The following KLRG1 variants were observed in gnomAD, a reference collection of about 807,000 sequenced individuals.
KLRG1 encodes the protein killer cell lectin like receptor G1.
A neutral mutation model predicts 21.8 loss-of-function variants in KLRG1; 16 were observed. That is an observed-to-expected ratio of 0.73 (90% CI 0.50 to 1.11). The LOEUF is 1.11. Among genes scored for constraint, KLRG1 ranks in the 50% most tolerant of loss-of-function variants. The pLI is 0.00. For missense variants in KLRG1, 173 were observed against 218.3 expected (o/e 0.79, Z 1.31); for synonymous variants, 69 against 75.9 (o/e 0.91, Z 0.47).
intron 1 of KLRG1, among the ~76,000 whole-genome samples, chr12:8,951,976 A>G (rs1296008619): frequency 1.3e-5 from 2 of 152,174 alleles, no homozygotes; most frequent in Non-Finnish European, 2.9e-5. Context: ...TGCTTCTCAG[A>G]CCTCAGTGCC....
At chr12:9,111,033 T>C in the KLRG1 span, among the ~76,000 whole-genome samples, 1 of 152,172 alleles carries the variant, frequency 6.6e-6, no homozygotes, top group Non-Finnish European at 1.5e-5. Context: ...ATCATTAAGA[T>C]GGGTCATAGA....
chr12:9,191,057 A>G, the KLRG1 span, among the ~76,000 whole-genome samples: 1 of 152,142 alleles, frequency 6.6e-6, no homozygotes, highest in Admixed American at 6.5e-5. Context: ...ATTTTTTCCA[A>G]TTGTTGACTC....
chr12:9,056,501 A>G, the KLRG1 span, among the ~76,000 whole-genome samples: 1 of 152,082 alleles, frequency 6.6e-6, no homozygotes, highest in Non-Finnish European at 1.5e-5. Context: ...GACTTAGCAT[A>G]ATTCTCTCCA....
the KLRG1 span, chr12:9,067,815 TGTG>T: frequency 1.2e-6 from 2 of 1,612,666 alleles, no homozygotes; most frequent in Admixed American, 3.3e-5. Flanking sequence ...TTTTCAGCCT[TGTG>T]GTCTTCAAGC....
the KLRG1 span, chr12:9,074,416 C>G: frequency 1.3e-6 from 1 of 799,498 alleles, no homozygotes; most frequent in Non-Finnish European, 2.0e-6. Context: ...GCTTTTATTT[C>G]CATTATCCTT....
chr12:9,120,997 C>A, the KLRG1 span, among the ~76,000 whole-genome samples: 1 of 151,724 alleles, frequency 6.6e-6, no homozygotes, highest in Non-Finnish European at 1.5e-5. Flanking sequence ...CCTCCCATCT[C>A]AGCCTCCCAA....
At chr12:9,204,071 A>G in the KLRG1 span, 23 of 1,022,954 alleles carry the variant, frequency 2.2e-5, no homozygotes, top group African/African-American at 3.3e-5. Context: ...CTAAAAGTCA[A>G]TGGACTAAGT....
the KLRG1 span, among the ~76,000 whole-genome samples, chr12:9,040,043 G>A: frequency 1.4e-4 from 22 of 152,148 alleles, no homozygotes; most frequent in Admixed American, 1.2e-3. Context: ...AAAGTCAAGA[G>A]AAGATAAGAC....
chr12:9,074,763 GCT>G, the KLRG1 span: 2 of 1,612,580 alleles, frequency 1.2e-6, no homozygotes, highest in Non-Finnish European at 1.7e-6. Context: ...TTCTGAGGGC[GCT>G]CCCAATGGAC....
upstream of KLRG1, among the ~76,000 whole-genome samples, chr12:8,988,045 C>G (rs2137313693): frequency 6.6e-6 from 1 of 152,328 alleles, no homozygotes; most frequent in Non-Finnish European, 1.5e-5. Flanking sequence ...CCTGCAGGAA[C>G]TATCTCAGCT....
At chr12:9,096,949 A>G in the KLRG1 span, among the ~76,000 whole-genome samples, 12 of 152,328 alleles carry the variant, frequency 7.9e-5, no homozygotes, top group East Asian at 1.5e-3. Context: ...AATGACCTAC[A>G]CTAGTAGCAG....
the KLRG1 span, among the ~76,000 whole-genome samples, chr12:9,136,218 C>G: frequency 1.3e-5 from 2 of 152,170 alleles, no homozygotes; most frequent in Non-Finnish European, 2.9e-5. Flanking sequence ...GTGGTGTTGG[C>G]ACCAGCCAGC....
the KLRG1 span, chr12:9,101,404 C>T: frequency 6.6e-7 from 1 of 1,524,054 alleles, no homozygotes; most frequent in Non-Finnish European, 9.0e-7. Flanking sequence ...CCACAGAGAG[C>T]TTTTGTCTAC....
chr12:9,002,228 G>A (rs969696784), intron 3 of KLRG1, among the ~76,000 whole-genome samples: 2 of 152,090 alleles, frequency 1.3e-5, no homozygotes, highest in Admixed American at 6.6e-5. Context: ...CTTAATATGG[G>A]TTGAAATAAC....
chr12:9,201,284 A>G, the KLRG1 span: 1 of 1,489,344 alleles, frequency 6.7e-7, no homozygotes. Context: ...CCTACTCTCT[A>G]AAAGCACTAA....
the KLRG1 span, chr12:9,079,449 T>C: frequency 3.3e-6 from 4 of 1,209,426 alleles, no homozygotes; most frequent in Admixed American, 4.1e-5. Flanking sequence ...TTGTCATAGA[T>C]TAGGAGTTTC....
intron 1 of KLRG1, among the ~76,000 whole-genome samples, chr12:8,963,822 T>G (rs1946419761): frequency 1.3e-5 from 2 of 152,244 alleles, no homozygotes; most frequent in South Asian, 4.1e-4. Context: ...TTTATTTGCA[T>G]AGAGGTGTTT....
chr12:9,009,894 A>C lies in KLRG1; in HGVS notation c.*357A>C. ...TATGATATTCTGAGCTAATCTGATA[A>C]AATCTATGCCAATATATACTATTGC... On this transcript the variant is annotated 3_prime_UTR_variant, in exon 5 of 5. Coordinates refer to ENST00000356986, the MANE Select transcript of KLRG1 (RefSeq NM_005810.4). 6.6e-7 allele frequency: 1 copy of C among 1,510,380 alleles called. No individual in the cohort carries two copies. Among genetic ancestry groups the C allele is most frequent in the Non-Finnish European group, 8.8e-7 (1 of 1,135,814 alleles). 93.6% of individuals were successfully genotyped at this position (1,510,380 alleles called of 1,614,324 possible).
upstream of KLRG1, chr12:8,988,469 CAAATT>C (rs1946882179): frequency 6.6e-6 from 1 of 152,098 alleles, no homozygotes; most frequent in South Asian, 2.1e-4. Flanking sequence ...TAATATAAAA[CAAATT>C]AATATAAAGC....
Sources: gnomAD v4.1 joint callset for allele counts (sites outside exome capture counted in the v4.1 genomes callset) on GRCh38, gnomAD v4.1.1 for gene constraint, MANE v1.5 for transcripts, NCBI Gene and HGNC (gene_info 2026-07-23, HGNC 2026-07-21) for gene names.